The following VANGL1 variants were observed in gnomAD, a reference collection of about 807,000 sequenced individuals.
VANGL1 encodes VANGL planar cell polarity protein 1, also known as vang-like protein 1.
VANGL1 carries 18 observed loss-of-function variants against 48.4 expected under a neutral mutation model. The ratio of observed to expected loss-of-function variants is 0.37; its 90% CI spans 0.26 to 0.55. The LOEUF (loss-of-function observed/expected upper bound fraction) is 0.55, where lower values mean the gene tolerates loss of function less well. Ranked by LOEUF, VANGL1 falls within the 20% of genes least tolerant of loss-of-function variation. VANGL1 has a pLI of 0.81. For missense variants in VANGL1, 667 were observed against 675.8 expected, an observed-to-expected ratio of 0.99 and a Z score of 0.14; for synonymous variants, 257 against 261.8, an observed-to-expected ratio of 0.98 and a Z score of 0.18.
At chr1:115,651,628 A>G (rs894963806) in intron 2 of VANGL1, 144 bp downstream of exon 2, 9 of 719,202 alleles carry the variant, frequency 1.3e-5, no homozygotes, top group Non-Finnish European at 2.2e-5. Context: ...AGCATTTAAC[A>G]TTCTTGGGAG....
At chr1:115,659,956 GA>G (rs1398788389) in intron 3 of VANGL1, among the ~76,000 whole-genome samples, 183 bp downstream of exon 3, 1 of 152,176 alleles carries the variant, frequency 6.6e-6, no homozygotes, top group East Asian at 1.9e-4. Flanking sequence ...GTAGCGTGGG[GA>G]TTCTTCTGAA....
chr1:115,653,594 C>G (rs1452265788), intron 2 of VANGL1, among the ~76,000 whole-genome samples: 1 of 152,136 alleles, frequency 6.6e-6, no homozygotes. Context: ...TTTGTCTACA[C>G]TCGAGTTCTG....
Position 115,685,497 on chromosome 1 carries a change from C to T in VANGL1, c.1284C>T (p.Ala428=), listed in dbSNP as rs1653570994. 1 of 1,614,012 alleles carries T rather than the reference C, an allele frequency of 6.2e-7. No individual in the cohort carries two copies. The highest frequency in any genetic ancestry group is 8.5e-7 in the Non-Finnish European group (1 of 1,180,034). Residue 428 remains alanine (A), a synonymous_variant, in exon 7 of 8, where the codon GCC becomes GCT. Coordinates refer to ENST00000355485, the MANE Select transcript of VANGL1 (RefSeq NM_138959.3). ...HSMESILQHL[A]FCITNGMTPK... ...TGGAGAGCATCCTGCAGCACCTGGCCTTCTGCATCACCAACGGCATGACCC... is the reference window on the plus strand; with the variant it reads ...TGGAGAGCATCCTGCAGCACCTGGCTTTCTGCATCACCAACGGCATGACCC...
intron 4 of VANGL1, among the ~76,000 whole-genome samples, chr1:115,668,438 A>C (rs1239333669): frequency 6.6e-6 from 1 of 152,234 alleles, no homozygotes; most frequent in Non-Finnish European, 1.5e-5. Context: ...TTATTCACTC[A>C]GTTGACAAAG....
intron 3 of VANGL1, among the ~76,000 whole-genome samples, chr1:115,660,655 C>T (rs757939442): frequency 2.6e-5 from 4 of 152,164 alleles, no homozygotes; most frequent in Non-Finnish European, 5.9e-5. Context: ...AGCCTTGCCC[C>T]TCATAAACAA....
At chr1:115,655,144 AG>A (rs1570741697) in intron 2 of VANGL1, among the ~76,000 whole-genome samples, 1 of 152,204 alleles carries the variant, frequency 6.6e-6, no homozygotes, top group Non-Finnish European at 1.5e-5. Context: ...CATAGCCAAG[AG>A]GAAGCAGCCA....
At chr1:115,662,968 G>A (rs1652621674) in intron 3 of VANGL1, among the ~76,000 whole-genome samples, 1 of 152,084 alleles carries the variant, frequency 6.6e-6, no homozygotes, top group South Asian at 2.1e-4. Context: ...TGTATTTTTA[G>A]TAGAGACGGG....
At chr1:115,672,582 T>A (rs1653019957) in intron 4 of VANGL1, among the ~76,000 whole-genome samples, 2 of 152,120 alleles carry the variant, frequency 1.3e-5, no homozygotes, top group African/African-American at 4.8e-5. Flanking sequence ...TCCAACCAAG[T>A]CCAGGCCTTT....
intron 2 of VANGL1, among the ~76,000 whole-genome samples, chr1:115,653,681 C>CA (rs1343824745): frequency 6.6e-6 from 1 of 152,308 alleles, no homozygotes; most frequent in Non-Finnish European, 1.5e-5. Flanking sequence ...ATTGATATTC[C>CA]AATGCCCTTG....
chr1:115,681,497 T>TTTG (rs200520773), intron 4 of VANGL1, among the ~76,000 whole-genome samples: 6,502 of 91,888 alleles, frequency 0.071, 322 homozygotes, highest in Admixed American at 0.12. Context: ...CTCTCTTTTT[T>TTTG]TTGTTGTTTT....
Position 115,664,096 on chromosome 1 carries a change from C to T in VANGL1, c.640C>T (p.Arg214Trp), listed in dbSNP as rs143395094. The T allele has an allele frequency of 1.6e-4, 265 of 1,614,138 alleles. 1 individual carries two copies. The East Asian group carries it at 3.1e-3, about 19-fold the overall frequency. The change falls in exon 4 of 8, where the codon CGG (arginine) becomes TGG (tryptophan). Residue 214 changes from arginine (R) to tryptophan (W), a missense_variant. By Grantham distance (101) the Arg-to-Trp change is moderately radical. Coordinates refer to ENST00000355485, the MANE Select transcript of VANGL1 (RefSeq NM_138959.3). ...YGVRILDSRD[R>W]NYQGIVQYAV... Reference sequence around the variant, plus strand: ...GGTCCGCATTTTGGACTCTCGGGACCGGAATTACCAGGGCATTGTGCAATA... The same window carrying T: ...GGTCCGCATTTTGGACTCTCGGGACTGGAATTACCAGGGCATTGTGCAATA...
chr1:115,680,064 A>G (rs975356924), intron 4 of VANGL1, among the ~76,000 whole-genome samples: 4 of 150,970 alleles, frequency 2.6e-5, no homozygotes, highest in African/African-American at 7.3e-5. Context: ...GAGGGTTGCA[A>G]TGAATCTCTG....
chr1:115,678,963 A>AAAG (rs1368678276), intron 4 of VANGL1, among the ~76,000 whole-genome samples: 1 of 152,008 alleles, frequency 6.6e-6, no homozygotes, highest in African/African-American at 2.4e-5. Flanking sequence ...AAAAAAAAAA[A>AAAG]AAAGAAGAAA....
rs768033634 is a variant in VANGL1 at position 115,663,932 on chromosome 1, A to G, written c.476A>G (p.Lys159Arg). ...CEGLFISMAFKLLILLIGTWA... is the reference protein window; with the variant it reads ...CEGLFISMAFRLLILLIGTWA... Reference sequence around the variant, plus strand: ...GGGCTCTTTATCTCCATGGCATTCAAACTCCTCATTCTGCTCATAGGGACC... The same window carrying G: ...GGGCTCTTTATCTCCATGGCATTCAGACTCCTCATTCTGCTCATAGGGACC... The change falls in exon 4 of 8, where the codon AAA becomes AGA. Residue 159 changes from lysine (K) to arginine (R), a missense_variant. Transcript: ENST00000355485. The G allele has an allele frequency of 2.5e-6, 4 of 1,614,196 alleles. No homozygotes were observed. The highest frequency in any genetic ancestry group is 2.2e-5 in the East Asian group (1 of 44,880).
At chr1:115,691,040 G>A (rs1570780648) in intron 7 of VANGL1, 79 bp from the exon 8 acceptor site, 1 of 1,604,484 alleles carries the variant, frequency 6.2e-7, no homozygotes, top group East Asian at 2.2e-5. Flanking sequence ...TTATAGATGT[G>A]AGAGTGGATA....
At chr1:115,663,387 T>C (rs928020672) in intron 3 of VANGL1, among the ~76,000 whole-genome samples, 2 of 152,214 alleles carry the variant, frequency 1.3e-5, no homozygotes, top group South Asian at 4.1e-4. Flanking sequence ...CAGGGGATGA[T>C]AATCAATGTT....
Position 115,697,829 on chromosome 1 carries a change from C to G in VANGL1, c.*6450C>G, listed in dbSNP as rs1228410157. The G allele has an allele frequency of 6.6e-6, 1 of 152,140 alleles. No individual in the cohort carries two copies. Among genetic ancestry groups the G allele is most frequent in the African/African-American group, 2.4e-5 (1 of 41,440 alleles). 9.4% of individuals were successfully genotyped at this position (152,140 alleles called of 1,614,324 possible). ...TTCTTTCTGATTAGTTAATACTGTACATTGTAACCAGGAGGGGCAGTTTTG... is the reference window on the plus strand; with the variant it reads ...TTCTTTCTGATTAGTTAATACTGTAGATTGTAACCAGGAGGGGCAGTTTTG... On this transcript the variant is annotated 3_prime_UTR_variant, in exon 8 of 8. Coordinates refer to ENST00000355485, the MANE Select transcript of VANGL1 (RefSeq NM_138959.3).
rs1489403063 is a variant in VANGL1 at position 115,697,310 on chromosome 1, A to C, written c.*5931A>C. The C allele has an allele frequency of 6.6e-6, 1 of 152,238 alleles. No individual in the cohort carries two copies. The highest frequency in any genetic ancestry group is 1.5e-5 in the Non-Finnish European group (1 of 68,052). The allele number at this position is 152,238 out of a possible 1,614,324, so 9.4% of individuals were successfully genotyped here. On this transcript the variant is annotated 3_prime_UTR_variant, in exon 8 of 8. Coordinates refer to ENST00000355485, the MANE Select transcript of VANGL1 (RefSeq NM_138959.3). ...ACCAGCACCTCTCAGTTATAGAGGT[A>C]ATGGAACATTCGCTTACTTTTCATC...
intron 7 of VANGL1, 64 bp downstream of exon 7, chr1:115,685,591 A>G: frequency 1.9e-6 from 3 of 1,538,738 alleles, no homozygotes; most frequent in Non-Finnish European, 1.8e-6. Flanking sequence ...TGGCCAGTTG[A>G]ATTATAGCGT....
Sources: allele counts gnomAD v4.1 joint callset (sites outside exome capture counted in the v4.1 genomes callset), GRCh38; gene constraint gnomAD v4.1.1; transcripts MANE v1.5; gene names NCBI Gene and HGNC (gene_info 2026-07-23, HGNC 2026-07-21).